MMP14: variants seen among roughly 807,000 people sequenced by gnomAD.
The protein encoded by MMP14 is matrix metallopeptidase 14, also known as matrix metalloproteinase-14.
MMP14 carries 13 observed loss-of-function variants against 64.8 expected under a neutral mutation model. The ratio of observed to expected loss-of-function variants is 0.20; its 90% CI spans 0.13 to 0.32. MMP14 has a LOEUF of 0.32. MMP14 is among the 10% of genes least tolerant of loss of function. The probability of loss-of-function intolerance (pLI) is 1.00; values close to 1 mark genes in which losing one functional copy is unlikely to be tolerated. For missense variants in MMP14, 594 were observed against 783.8 expected, an observed-to-expected ratio of 0.76 and a Z score of 2.89; for synonymous variants, 322 against 315.9, an observed-to-expected ratio of 1.02 and a Z score of -0.20.
chr14:22,842,205 AG>A lies in MMP14; in HGVS notation c.380+173del. 2 of 1,057,906 alleles carry A rather than the reference AG, an allele frequency of 1.9e-6. No homozygotes were observed. Among genetic ancestry groups the A allele is most frequent in the African/African-American group, 3.2e-5 (2 of 62,904 alleles). The allele number at this position is 1,057,906 out of a possible 1,614,324, so 65.5% of individuals were successfully genotyped here. A position where few individuals can be genotyped will look rare whatever the true frequency, so the allele number is the denominator to read the frequency against. On this transcript the variant is annotated intron_variant, in intron 3 of 9. Transcript: ENST00000311852. The surrounding 1 kb of genome is among the most constrained non-coding windows in gnomAD (Gnocchi z 5.3). The stretch of plus-strand genomic sequence containing the variant: ...ATCCTTGAGAGAGGTGTAGCCATCA[AG>A]GGTGCACCCCAGTGCCAGAGAGCCA...
chr14:22,843,533 C>A lies in MMP14; in HGVS notation c.850+115C>A. ...CCGCACCGCCCCCTGCCAACCTGCC[C>A]CTGCCTCTATCAGCTCCACTTTTGA... is the stretch of plus-strand genomic sequence containing the variant. On this transcript the variant is annotated intron_variant, in intron 5 of 9. Coordinates refer to ENST00000311852, the MANE Select transcript of MMP14 (RefSeq NM_004995.4). The surrounding 1 kb of genome is among the most constrained non-coding windows in gnomAD (Gnocchi z 4.8). 7.0e-7 allele frequency: 1 copy of A among 1,422,524 alleles called. No homozygotes were observed. The highest frequency in any genetic ancestry group is 1.4e-5 in the African/African-American group (1 of 70,272). The allele number at this position is 1,422,524 out of a possible 1,614,324, so 88.1% of individuals were successfully genotyped here.
Position 22,842,610 on chromosome 14 carries a change from G to A in MMP14, c.581G>A (p.Gly194Asp). 6.2e-7 allele frequency: 1 copy of A among 1,614,196 alleles called. No homozygotes were observed. Among genetic ancestry groups the A allele is most frequent in the Non-Finnish European group, 8.5e-7 (1 of 1,180,028 alleles). ...GFHGDSTPFD[G>D]EGGFLAHAYF... ...CATGGCGACAGCACGCCCTTCGATG[G>A]TGAGGGCGGCTTCCTGGCCCATGCC... Residue 194 changes from glycine (G) to aspartate (D), a missense_variant, in exon 4 of 10, where the codon GGT (glycine) becomes GAT (aspartate). Physicochemically the swap from Gly to Asp is moderately conservative, Grantham distance 94. Coordinates refer to ENST00000311852, the MANE Select transcript of MMP14 (RefSeq NM_004995.4). The surrounding 1 kb of genome is among the most constrained non-coding windows in gnomAD (Gnocchi z 5.3).
intron 1 of MMP14, chr14:22,837,506 G>A: frequency 4.7e-6 from 2 of 426,638 alleles, no homozygotes; most frequent in Non-Finnish European, 9.4e-6. Flanking sequence ...GGACCCCGCT[G>A]TGTCCCTACC....
In MMP14 at chr14:22,842,726, A is replaced by G; in HGVS notation, c.688+9A>G. The G allele has an allele frequency of 6.3e-7, 1 of 1,587,128 alleles. No individual in the cohort carries two copies. Among genetic ancestry groups the G allele is most frequent in the Non-Finnish European group, 8.6e-7 (1 of 1,163,566 alleles). On this transcript the variant is annotated intron_variant, in intron 4 of 9. Coordinates refer to ENST00000311852, the MANE Select transcript of MMP14 (RefSeq NM_004995.4). The surrounding 1 kb of genome is among the most constrained non-coding windows in gnomAD (Gnocchi z 5.3). ...GAATGAGGATCTGAATGGTGAGCCAAGTATCCCTGGGACTTACTCTGGAAA... is the reference window on the plus strand; with the variant it reads ...GAATGAGGATCTGAATGGTGAGCCAGGTATCCCTGGGACTTACTCTGGAAA...
In MMP14 at chr14:22,841,937, T is replaced by A. The variant is rs746282846; in HGVS notation, c.282T>A (p.Gly94=). The part of the protein sequence containing the change: ...TMKAMRRPRC[G]VPDKFGAEIK... The stretch of plus-strand genomic sequence containing the variant: ...GGGCCATGAGGCGCCCCCGATGTGG[T>A]GTTCCAGACAAGTTTGGGGCTGAGA... Residue 94 remains glycine, a synonymous_variant, in exon 3 of 10, where the codon GGT becomes GGA. Coordinates refer to ENST00000311852, the MANE Select transcript of MMP14 (RefSeq NM_004995.4). The A allele has an allele frequency of 6.2e-7, 1 of 1,614,164 alleles. No individual in the cohort carries two copies.
In MMP14 at chr14:22,844,758, A is replaced by G. The variant is rs2039800098; in HGVS notation, c.1279A>G (p.Thr427Ala). ...AALFWMPNGKTYFFRGNKYYR... is the reference protein window; with the variant it reads ...AALFWMPNGKAYFFRGNKYYR... ...TCTCTTCTGGATGCCCAATGGAAAG[A>G]CCTACTTCTTCCGTGGAAACAAGTA... Residue 427 changes from threonine to alanine, a missense_variant, in exon 8 of 10, where the codon ACC becomes GCC. Physicochemically the swap from Thr to Ala is moderately conservative, Grantham distance 58. Coordinates refer to ENST00000311852, the MANE Select transcript of MMP14 (RefSeq NM_004995.4). 6.2e-7 allele frequency: 1 copy of G among 1,614,018 alleles called. No individual in the cohort carries two copies. The highest frequency in any genetic ancestry group is 8.5e-7 in the Non-Finnish European group (1 of 1,179,974).
intron 8 of MMP14, 105 bp downstream of exon 8, chr14:22,844,885 T>C: frequency 6.8e-7 from 1 of 1,474,988 alleles, no homozygotes; most frequent in Non-Finnish European, 9.3e-7. Context: ...CATGCTTCCC[T>C]GGAGAAGGAG....
In MMP14 at chr14:22,845,354, G is replaced by A; in HGVS notation, c.1405G>A (p.Gly469Ser). 2.5e-6 allele frequency: 4 copies of A among 1,608,348 alleles called. No individual in the cohort carries two copies. The highest frequency in any genetic ancestry group is 2.2e-5 in the East Asian group (1 of 44,808). Residue 469 changes from glycine (G) to serine (S), a missense_variant, in exon 9 of 10, where the codon GGC (glycine) becomes AGC (serine). Around this residue, in one of 4 missense-constraint regions of MMP14, gnomAD observed 364 missense variants for 425.2 expected, o/e 0.86. Coordinates refer to ENST00000311852, the MANE Select transcript of MMP14 (RefSeq NM_004995.4). ...TGAGTCTCCCAGAGGGTCATTCATG[G>A]GCAGCGATGAAGGTGAGAGGGGCAA... is the stretch of plus-strand genomic sequence containing the variant. ...IPESPRGSFM[G>S]SDEVFTYFYK...
chr14:22,843,486 C>A lies in MMP14; in HGVS notation c.850+68C>A. 6.4e-7 allele frequency: 1 copy of A among 1,554,956 alleles called. No individual in the cohort carries two copies. The highest frequency in any genetic ancestry group is 8.7e-7 in the Non-Finnish European group (1 of 1,143,668). On this transcript the variant is annotated intron_variant, in intron 5 of 9. Transcript: ENST00000311852. This position sits in a 1 kb window ranked among gnomAD's most constrained non-coding sequence, Gnocchi z 4.8. ...GTTCCCTCCTGGTCTACGCATTTCCCCTCTTTTATGCCTTGCAGTCTCCGC... is the reference window on the plus strand; with the variant it reads ...GTTCCCTCCTGGTCTACGCATTTCCACTCTTTTATGCCTTGCAGTCTCCGC...
Position 22,846,052 on chromosome 14 carries a change from G to T in MMP14, c.*13G>T, listed in dbSNP as rs17878757. On this transcript the variant is annotated 3_prime_UTR_variant, in exon 10 of 10. Transcript: ENST00000311852. ...GGACAAGGTCTGACGCCCACCGCCGGCCCGCCCACTCCTACCACAAGGACT... is the reference window on the plus strand; with the variant it reads ...GGACAAGGTCTGACGCCCACCGCCGTCCCGCCCACTCCTACCACAAGGACT... 3,996 of 1,460,864 alleles carry T rather than the reference G, an allele frequency of 2.7e-3. 107 individuals are homozygous for T. The African/African-American group carries it at 0.05, about 18-fold the overall frequency. The allele number at this position is 1,460,864 out of a possible 1,614,324, so 90.5% of individuals were successfully genotyped here. A position where few individuals can be genotyped will look rare whatever the true frequency, so the allele number is the denominator to read the frequency against.
Position 22,843,713 on chromosome 14 carries a change from G to T in MMP14, c.854G>T (p.Gly285Val), listed in dbSNP as rs2039790113. 1.3e-6 allele frequency: 2 copies of T among 1,588,528 alleles called. No homozygotes were observed. The highest frequency in any genetic ancestry group is 2.3e-5 in the South Asian group (2 of 87,084). ...CCCCTCGTGTTTTCTGCCCCAGGGG[G>T]TGAGTCAGGGTTCCCCACCAAGATG... ...DRRGIQQLYGGESGFPTKMPP... is the reference protein window; with the variant it reads ...DRRGIQQLYGVESGFPTKMPP... The change falls in exon 6 of 10, where the codon GGT (glycine) becomes GTT (valine). Residue 285 changes from glycine to valine, a missense_variant. Transcript: ENST00000311852. This position sits in a 1 kb window ranked among gnomAD's most constrained non-coding sequence, Gnocchi z 4.8.
At chr14:22,840,321 G>C (rs1399449925) in intron 1 of MMP14, among the ~76,000 whole-genome samples, 1 of 152,140 alleles carries the variant, frequency 6.6e-6, no homozygotes, top group Non-Finnish European at 1.5e-5. Context: ...TTACAATAAA[G>C]GCTGACTTTC....
chr14:22,839,718 T>G (rs769615491), intron 1 of MMP14, among the ~76,000 whole-genome samples: 7 of 152,090 alleles, frequency 4.6e-5, no homozygotes, highest in Non-Finnish European at 1.0e-4. Context: ...CACCAGGACC[T>G]GAGCCCAGAG....
chr14:22,837,500 C>A, intron 1 of MMP14: 2 of 427,624 alleles, frequency 4.7e-6, no homozygotes, highest in Non-Finnish European at 9.4e-6. Context: ...CCGAGAGGAC[C>A]CCGCTGTGTC....
At position 22,845,926 on chromosome 14, in the gene MMP14, G is replaced by A. The variant is rs760243884; in HGVS notation, c.1636G>A (p.Val546Met). The A allele has an allele frequency of 5.5e-5, 89 of 1,604,364 alleles. No homozygotes were observed. The highest frequency in any genetic ancestry group is 7.4e-5 in the Non-Finnish European group (87 of 1,175,162). Residue 546 changes from valine (V) to methionine (M), a missense_variant, in exon 10 of 10, where the codon GTG becomes ATG. By Grantham distance (21) the Val-to-Met change is conservative. This residue lies in a region of MMP14 where 364 missense variants were observed against 425.2 expected (regional missense o/e 0.86). Coordinates refer to ENST00000311852, the MANE Select transcript of MMP14 (RefSeq NM_004995.4). The stretch of plus-strand genomic sequence containing the variant: ...GAGCGCGGCTGCCGTGGTGCTGCCC[G>A]TGCTGCTGCTGCTCCTGGTGCTGGC... Reference protein sequence around the residue: ...AVSAAAVVLPVLLLLLVLAVG... With the variant: ...AVSAAAVVLPMLLLLLVLAVG...
In MMP14 at chr14:22,836,764, C is replaced by A; in HGVS notation, c.-54C>A. ...AGGGAGTGGCGGTGCGACCCCAGGG[C>A]GTGGGCCCGGCCGCGGAGCCCACAC... On this transcript the variant is annotated 5_prime_UTR_variant, in exon 1 of 10. Coordinates refer to ENST00000311852, the MANE Select transcript of MMP14 (RefSeq NM_004995.4). 8.7e-7 allele frequency: 1 copy of A among 1,147,782 alleles called. No homozygotes were observed. Among genetic ancestry groups the A allele is most frequent in the East Asian group, 2.6e-5 (1 of 38,636 alleles). 71.1% of individuals were successfully genotyped at this position (1,147,782 alleles called of 1,614,324 possible).
intron 1 of MMP14, chr14:22,837,462 A>G (rs1262194215): frequency 2.0e-5 from 9 of 453,010 alleles, no homozygotes; most frequent in Non-Finnish European, 3.1e-5. Context: ...TGGACGGCCG[A>G]GCGTCCAGGG....
rs1016519149 is a variant in MMP14 at position 22,844,919 on chromosome 14, T to C, written c.1301+139T>C. 4.1e-6 allele frequency: 5 copies of C among 1,215,544 alleles called. No homozygotes were observed. In the South Asian group the frequency reaches 7.0e-5, roughly 17 times the overall value. 75.3% of individuals were successfully genotyped at this position (1,215,544 alleles called of 1,614,324 possible). ...AGCTGGCTGAGCCTCTGCTGTTGCCTAGAAATGGGCAGCCTCCTTTGGGCA... is the reference window on the plus strand; with the variant it reads ...AGCTGGCTGAGCCTCTGCTGTTGCCCAGAAATGGGCAGCCTCCTTTGGGCA... On this transcript the variant is annotated intron_variant, in intron 8 of 9. Transcript: ENST00000311852.
chr14:22,837,543 C>T (rs1167394739), intron 1 of MMP14: 1 of 361,032 alleles, frequency 2.8e-6, no homozygotes, highest in African/African-American at 2.2e-5. Flanking sequence ...AGGGTCGCAG[C>T]GCCGGCGCGC....
Sources: allele counts gnomAD v4.1 joint callset (sites outside exome capture counted in the v4.1 genomes callset), GRCh38; gene constraint gnomAD v4.1.1; regional missense constraint gnomAD v4.1.1; non-coding constraint Gnocchi (gnomAD v3.1); transcripts MANE v1.5; gene names NCBI Gene and HGNC (gene_info 2026-07-23, HGNC 2026-07-21).